Variants in LARGE1 observed in about 807,000 individuals in gnomAD.
The protein encoded by LARGE1 is xylosyl- and glucuronyltransferase LARGE1.
In LARGE1, 43 loss-of-function variants were observed where a neutral mutation model predicts 87.6. That is an observed-to-expected ratio of 0.49 (90% CI 0.38 to 0.63). The LOEUF (loss-of-function observed/expected upper bound fraction) is 0.63, where lower values mean the gene tolerates loss of function less well. Ranked by LOEUF, LARGE1 falls within the 30% of genes least tolerant of loss-of-function variation. The pLI is 0.00. For synonymous variants in LARGE1, 434 were observed against 394.6 expected, an observed-to-expected ratio of 1.10 and a Z score of -1.18; for missense variants, 802 against 1,000.2, an observed-to-expected ratio of 0.80 and a Z score of 2.67.
intron 6 of LARGE1, chr22:33,563,314 A>T (rs1184229467): frequency 6.6e-6 from 1 of 152,210 alleles, no homozygotes; most frequent in African/African-American, 2.4e-5. Context: ...CTTCCCAGCT[A>T]CCTTCTCTAA....
intron 6 of LARGE1, among the ~76,000 whole-genome samples, chr22:33,547,144 C>A (rs893811364): frequency 4.0e-5 from 6 of 151,708 alleles, no homozygotes; most frequent in Non-Finnish European, 5.9e-5. Context: ...ATGTATGATA[C>A]CTAAACTGTA....
At chr22:33,483,420 T>G (rs537192209) in intron 6 of LARGE1, among the ~76,000 whole-genome samples, 1 of 151,956 alleles carries the variant, frequency 6.6e-6, no homozygotes, top group African/African-American at 2.4e-5. Flanking sequence ...GGGGCAGAGG[T>G]AGTGTCATGC....
the LARGE1 span, among the ~76,000 whole-genome samples, chr22:33,130,666 A>G: frequency 6.6e-6 from 1 of 152,152 alleles, no homozygotes; most frequent in Non-Finnish European, 1.5e-5. Context: ...TCAGAAAAGT[A>G]AATACTCAGC....
At chr22:33,660,552 C>T (rs1172089877) in intron 2 of LARGE1, among the ~76,000 whole-genome samples, 1 of 152,214 alleles carries the variant, frequency 6.6e-6, no homozygotes, top group Non-Finnish European at 1.5e-5. Flanking sequence ...TTTACACAGC[C>T]TTGAAGGCAT....
chr22:33,861,599 C>G (rs1039336686), intron 1 of LARGE1: 3 of 152,272 alleles, frequency 2.0e-5, no homozygotes, highest in African/African-American at 7.2e-5. Context: ...TCCATGCTGC[C>G]ATGAGGATCC....
chr22:33,838,033 G>A (rs1405249260), intron 1 of LARGE1, among the ~76,000 whole-genome samples: 1 of 152,186 alleles, frequency 6.6e-6, no homozygotes, highest in East Asian at 1.9e-4. Context: ...AGAGGAAACA[G>A]GCATGGTTGT....
chr22:33,271,053 C>T (rs1928216457), downstream of LARGE1, among the ~76,000 whole-genome samples: 1 of 152,126 alleles, frequency 6.6e-6, no homozygotes, highest in Non-Finnish European at 1.5e-5. Flanking sequence ...TATAGATCAC[C>T]CAGGTCTATT....
the LARGE1 span, among the ~76,000 whole-genome samples, chr22:33,134,669 C>T: frequency 6.6e-6 from 1 of 152,136 alleles, no homozygotes; most frequent in Non-Finnish European, 1.5e-5. Flanking sequence ...ACACCCCAGG[C>T]CCCCAGAAGA....
At chr22:33,186,265 A>T (rs376814971) in intron 11 of LARGE1, among the ~76,000 whole-genome samples, 117 of 152,318 alleles carry the variant, frequency 7.7e-4, no homozygotes, top group African/African-American at 2.7e-3. Flanking sequence ...AGATGCAAAA[A>T]ATCACCAAAT....
At chr22:33,097,166 A>C in the LARGE1 span, among the ~76,000 whole-genome samples, 2 of 152,220 alleles carry the variant, frequency 1.3e-5, no homozygotes, top group Non-Finnish European at 2.9e-5. Context: ...CCACGGAGGA[A>C]ACACAGCACT....
intron 6 of LARGE1, among the ~76,000 whole-genome samples, chr22:33,481,601 C>T (rs975957233): frequency 2.0e-5 from 3 of 152,088 alleles, no homozygotes; most frequent in African/African-American, 7.2e-5. Flanking sequence ...CATACTAAAG[C>T]AGATAAGAGA....
At chr22:33,699,318 AG>A (rs1445821548) in intron 2 of LARGE1, among the ~76,000 whole-genome samples, 1 of 152,224 alleles carries the variant, frequency 6.6e-6, no homozygotes, top group African/African-American at 2.4e-5. Context: ...CACAGGCTTC[AG>A]TGAAAATCCC....
chr22:33,215,776 C>T lies in LARGE1; in HGVS notation c.1731-48944G>A, dbSNP rs917291109. Among the ~76,000 whole-genome samples, 33 of 152,038 alleles carry T rather than the reference C, an allele frequency of 2.2e-4. 1 individual carries two copies. Among genetic ancestry groups the T allele is most frequent in the African/African-American group, 6.5e-4 (27 of 41,402 alleles). On this transcript the variant is annotated intron_variant, in intron 11 of 11. Transcript: ENST00000608642. ...GTTTGAGACCAGCTGGCCAACATGT[C>T]GAAATCCCGTCTCTACTAAAAATAC...
chr22:33,139,033 C>T, the LARGE1 span, among the ~76,000 whole-genome samples: 4 of 152,130 alleles, frequency 2.6e-5, no homozygotes, highest in Admixed American at 6.5e-5. Flanking sequence ...GGGAGAGTCC[C>T]TGCACAAGTT....
chr22:33,369,292 C>T (rs934037579), intron 9 of LARGE1, among the ~76,000 whole-genome samples: 5 of 152,172 alleles, frequency 3.3e-5, no homozygotes, highest in Non-Finnish European at 7.3e-5. Context: ...ATTTTCTTTG[C>T]TCTCAAGAGA....
intron 6 of LARGE1, among the ~76,000 whole-genome samples, chr22:33,561,337 C>T (rs919672876): frequency 4.6e-5 from 7 of 152,184 alleles, no homozygotes; most frequent in Admixed American, 1.3e-4. Context: ...CAAGGTCAGG[C>T]TCCCAGTGGC....
chr22:33,599,788 G>C (rs1334327897), intron 5 of LARGE1, among the ~76,000 whole-genome samples: 4 of 152,190 alleles, frequency 2.6e-5, no homozygotes, highest in African/African-American at 2.4e-5. Flanking sequence ...AGGCCGTCAC[G>C]GGTGTCTGCT....
At chr22:33,819,090 T>C (rs1225637739) in intron 1 of LARGE1, among the ~76,000 whole-genome samples, 1 of 152,162 alleles carries the variant, frequency 6.6e-6, no homozygotes, top group African/African-American at 2.4e-5. Context: ...GGCCACCAGT[T>C]TGAGGAGGAC....
intron 9 of LARGE1, among the ~76,000 whole-genome samples, chr22:33,344,269 T>C (rs1240909611): frequency 6.6e-6 from 1 of 152,208 alleles, no homozygotes; most frequent in African/African-American, 2.4e-5. Context: ...CTCATTTATT[T>C]ATTCAACAGA....
Sources: allele counts gnomAD v4.1 joint callset (sites outside exome capture counted in the v4.1 genomes callset), GRCh38; gene constraint gnomAD v4.1.1; transcripts MANE v1.5; gene names NCBI Gene and HGNC (gene_info 2026-07-23, HGNC 2026-07-21).